Variants in FREM1 observed in about 807,000 individuals in gnomAD.
FREM1 encodes FRAS1-related extracellular matrix protein 1.
FREM1 carries 220 observed loss-of-function variants against 210.1 expected under a neutral mutation model. That is an observed-to-expected ratio of 1.05 (90% CI 0.94 to 1.17). The LOEUF (loss-of-function observed/expected upper bound fraction) is 1.17. Ranked by LOEUF, FREM1 falls within the 50% of genes most tolerant of loss-of-function variation. FREM1 has a pLI of 0.00. For synonymous variants in FREM1, 1,189 were observed against 980.2 expected, an observed-to-expected ratio of 1.21 and a Z score of -3.98; for missense variants, 3,454 against 2,675.5, an observed-to-expected ratio of 1.29 and a Z score of -6.42.
chr9:14,777,217 G>A (rs1039017697), intron 24 of FREM1, among the ~76,000 whole-genome samples: 3 of 152,150 alleles, frequency 2.0e-5, no homozygotes, highest in Non-Finnish European at 4.4e-5. Context: ...ATCTTAATGT[G>A]CTTTTGATTC....
Position 14,857,598 on chromosome 9 carries a change from G to A in FREM1, c.783C>T (p.Ser261=), listed in dbSNP as rs1220205116. 6.2e-7 allele frequency: 1 copy of A among 1,613,880 alleles called. No individual in the cohort carries two copies. Among genetic ancestry groups the A allele is most frequent in the East Asian group, 2.2e-5 (1 of 44,868 alleles). Reference sequence around the variant, plus strand: ...TGGTATCTGTGAGGTCCAGTTGGATGGAGATATAATCAATGTTGGGTGAAG... The same window carrying A: ...TGGTATCTGTGAGGTCCAGTTGGATAGAGATATAATCAATGTTGGGTGAAG... ...DPPSPNIDYI[S]IQLDLTDTRS... The change falls in exon 5 of 37, where the codon TCC becomes TCT. Residue 261 remains serine, a synonymous_variant. Transcript: ENST00000380880.
intron 24 of FREM1, among the ~76,000 whole-genome samples, chr9:14,783,322 C>T (rs988971308): frequency 6.6e-6 from 1 of 152,112 alleles, no homozygotes; most frequent in African/African-American, 2.4e-5. Flanking sequence ...ATGGGTGTGA[C>T]AGTGATACTT....
chr9:14,876,212 C>G (rs1833700957), intron 1 of FREM1, among the ~76,000 whole-genome samples: 1 of 152,178 alleles, frequency 6.6e-6, no homozygotes, highest in East Asian at 1.9e-4. Context: ...TCAAAGCTGT[C>G]AGACAGGGAC....
At chr9:14,797,691 C>G in intron 20 of FREM1, 49 bp from the exon 21 acceptor site, 2 of 1,481,796 alleles carry the variant, frequency 1.3e-6, no homozygotes, top group Non-Finnish European at 1.9e-6. Flanking sequence ...ATTGAACCAT[C>G]ATGACATATG....
At position 14,748,512 on chromosome 9, in the gene FREM1, T is replaced by A; in HGVS notation, c.5685A>T (p.Arg1895Ser). 2 of 1,613,458 alleles carry A rather than the reference T, an allele frequency of 1.2e-6. No individual in the cohort carries two copies. Among genetic ancestry groups the A allele is most frequent in the Non-Finnish European group, 1.7e-6 (2 of 1,179,508 alleles). ...TTSGSFHLER[R>S]PLPSSMQLAV... ...CTAGCTGCATGGAAGATGGAAGAGG[T>A]CTTCTTTCCAGATGAAAGGAACCAG... The change falls in exon 31 of 37, where the codon AGA becomes AGT. Residue 1895 changes from arginine (R) to serine (S), a missense_variant. Transcript: ENST00000380880.
intron 3 of FREM1, among the ~76,000 whole-genome samples, chr9:14,860,707 A>ACATACATATG (rs1564100529): frequency 1.2e-5 from 1 of 80,012 alleles, no homozygotes; most frequent in African/African-American, 5.1e-5. Context: ...ACATATATAC[A>ACATACATATG]CACATATATA....
intron 27 of FREM1, among the ~76,000 whole-genome samples, chr9:14,766,968 C>T (rs914303799): frequency 6.6e-6 from 1 of 152,180 alleles, no homozygotes; most frequent in African/African-American, 2.4e-5. Context: ...CATGAATTAA[C>T]TACAACAGTA....
At chr9:14,850,611 A>G (rs1042302393) in intron 6 of FREM1, 4 of 152,214 alleles carry the variant, frequency 2.6e-5, no homozygotes, top group Non-Finnish European at 4.4e-5. Context: ...TAGCTAATGC[A>G]TGCTGGGCTT....
intron 16 of FREM1, among the ~76,000 whole-genome samples, chr9:14,811,545 T>A (rs1351528001): frequency 6.6e-6 from 1 of 152,076 alleles, no homozygotes; most frequent in Non-Finnish European, 1.5e-5. Context: ...ACTACGCTCC[T>A]CAGGACAAGG....
chr9:14,857,377 G>A (rs1024303465), intron 5 of FREM1, among the ~76,000 whole-genome samples, 176 bp downstream of exon 5: 37 of 152,170 alleles, frequency 2.4e-4, no homozygotes, highest in African/African-American at 8.0e-4. Context: ...AAAACCTACT[G>A]TTTTAAGCAC....
At position 14,804,967 on chromosome 9, in the gene FREM1, G is replaced by A. The variant is rs1271517322; in HGVS notation, c.3460C>T (p.Gln1154Ter). 6.2e-7 allele frequency: 1 copy of A among 1,608,586 alleles called. No homozygotes were observed. The highest frequency in any genetic ancestry group is 1.7e-5 in the Admixed American group (1 of 60,004). Reference sequence around the variant, plus strand: ...GATATGTTTCTTACAGTAATATTCTGCACTACAAAGTCAGGAGCTTCATCA... The same window carrying A: ...GATATGTTTCTTACAGTAATATTCTACACTACAAAGTCAGGAGCTTCATCA... Reference protein sequence around the residue: ...TNDEAPDFVVQNITVCEGQMK... With the variant: ...TNDEAPDFVV The change falls in exon 19 of 37, where the codon CAG (glutamine) becomes TAG (stop). Residue 1154 changes from glutamine (Q) to a stop codon, truncating the protein, a stop_gained. Transcript: ENST00000380880. LOFTEE classifies it high-confidence loss of function.
intron 12 of FREM1, 21 bp from the exon 13 acceptor site, chr9:14,823,348 G>C: frequency 1.2e-6 from 2 of 1,604,054 alleles, no homozygotes; most frequent in Non-Finnish European, 1.7e-6. Context: ...AGTTGAGATG[G>C]ATATGTGGGT....
intron 23 of FREM1, 103 bp downstream of exon 23, chr9:14,788,816 A>T: frequency 1.1e-6 from 1 of 920,032 alleles, no homozygotes; most frequent in Non-Finnish European, 1.6e-6. Context: ...GTGGCAGGAA[A>T]AAAGGAAAGA....
At chr9:14,793,059 C>G (rs759427737) in intron 21 of FREM1, among the ~76,000 whole-genome samples, 175 bp from the exon 22 acceptor site, 11 of 152,206 alleles carry the variant, frequency 7.2e-5, no homozygotes, top group Non-Finnish European at 4.4e-5. Flanking sequence ...TACCCTCACA[C>G]GTGAAAGTCT....
chr9:14,762,782 G>A (rs1202462002), intron 27 of FREM1, among the ~76,000 whole-genome samples: 1 of 112,504 alleles, frequency 8.9e-6, no homozygotes, highest in Non-Finnish European at 2.0e-5. Context: ...GCTTTTTGCA[G>A]TAGTATATTT....
intron 1 of FREM1, among the ~76,000 whole-genome samples, chr9:14,875,181 G>A (rs978478758): frequency 1.3e-5 from 2 of 152,132 alleles, no homozygotes; most frequent in Non-Finnish European, 2.9e-5. Context: ...TCTTTGTGGT[G>A]TTCTCTTTAT....
At chr9:14,784,251 G>T in intron 24 of FREM1, 119 bp downstream of exon 24, 1 of 878,686 alleles carries the variant, frequency 1.1e-6, no homozygotes, top group Middle Eastern at 3.7e-4. Flanking sequence ...TATACAGCGT[G>T]ATGTTATAAG....
chr9:14,759,603 T>C (rs1002729513), intron 28 of FREM1, among the ~76,000 whole-genome samples, 169 bp downstream of exon 28: 1 of 151,914 alleles, frequency 6.6e-6, no homozygotes, highest in South Asian at 2.1e-4. Context: ...ACTTAGATGA[T>C]GGATGGAGGG....
chr9:14,749,242 T>G (rs1418911525), intron 30 of FREM1, among the ~76,000 whole-genome samples: 3 of 152,130 alleles, frequency 2.0e-5, no homozygotes. Flanking sequence ...GGTGTGTATA[T>G]CATGTATTTT....
Sources: allele counts gnomAD v4.1 joint callset (sites outside exome capture counted in the v4.1 genomes callset), GRCh38; gene constraint gnomAD v4.1.1; transcripts MANE v1.5; gene names NCBI Gene and HGNC (gene_info 2026-07-23, HGNC 2026-07-21).